Variants in ODAD2 observed in about 807,000 individuals in gnomAD.
ODAD2 encodes outer dynein arm docking complex subunit 2.
A neutral mutation model predicts 106.8 loss-of-function variants in ODAD2; 89 were observed. The observed-to-expected ratio is 0.83, with a 90% CI of 0.70 to 0.99. The LOEUF (loss-of-function observed/expected upper bound fraction) is 0.99. Ranked by LOEUF, ODAD2 falls within the 50% of genes least tolerant of loss-of-function variation. The pLI is 0.00. For missense variants in ODAD2, 1,168 were observed against 1,238.5 expected, an observed-to-expected ratio of 0.94 and a Z score of 0.85; for synonymous variants, 404 against 436.2, an observed-to-expected ratio of 0.93 and a Z score of 0.92.
intron 10 of ODAD2, among the ~76,000 whole-genome samples, chr10:27,954,428 T>TG (rs1285127708): frequency 6.6e-6 from 1 of 152,178 alleles, no homozygotes; most frequent in Non-Finnish European, 1.5e-5. Flanking sequence ...AATAACTAGA[T>TG]GGGTATGTGT....
chr10:27,953,268 C>A (rs1847494459), intron 10 of ODAD2, among the ~76,000 whole-genome samples: 1 of 152,158 alleles, frequency 6.6e-6, no homozygotes, highest in South Asian at 2.1e-4. Context: ...ACTTATTCAT[C>A]TTTCATAAAT....
chr10:27,832,594 A>G (rs1837570761), intron 19 of ODAD2, among the ~76,000 whole-genome samples: 1 of 152,100 alleles, frequency 6.6e-6, no homozygotes, highest in South Asian at 2.1e-4. Flanking sequence ...TGTCAAAAAC[A>G]TCCTGGAAAT....
At chr10:27,850,155 A>T (rs1839137482) in intron 19 of ODAD2, among the ~76,000 whole-genome samples, 1 of 152,202 alleles carries the variant, frequency 6.6e-6, no homozygotes. Flanking sequence ...GTTTAAAGTG[A>T]AAACATTTGC....
intron 17 of ODAD2, among the ~76,000 whole-genome samples, chr10:27,898,513 T>C (rs1303108818): frequency 6.6e-6 from 1 of 152,130 alleles, no homozygotes; most frequent in Non-Finnish European, 1.5e-5. Flanking sequence ...AAATATATAG[T>C]GATCTTTGTT....
intron 16 of ODAD2, among the ~76,000 whole-genome samples, chr10:27,934,122 C>T (rs1387306061): frequency 4.6e-5 from 7 of 152,126 alleles, no homozygotes; most frequent in Admixed American, 4.6e-4. Context: ...TCCCTGCCAC[C>T]ATGTAAGATG....
chr10:27,948,606 G>A (rs1409685703), intron 10 of ODAD2, among the ~76,000 whole-genome samples: 1 of 152,016 alleles, frequency 6.6e-6, no homozygotes, highest in Non-Finnish European at 1.5e-5. Context: ...TTGCATTTCT[G>A]AGGTTTTAGG....
At chr10:27,981,094 T>C (rs1008033601) in intron 7 of ODAD2, among the ~76,000 whole-genome samples, 3 of 152,150 alleles carry the variant, frequency 2.0e-5, no homozygotes, top group African/African-American at 7.2e-5. Flanking sequence ...ATTATATCAT[T>C]CCAGTGACAT....
At chr10:27,978,151 A>G (rs1849313713) in intron 7 of ODAD2, among the ~76,000 whole-genome samples, 1 of 152,218 alleles carries the variant, frequency 6.6e-6, no homozygotes, top group African/African-American at 2.4e-5. Flanking sequence ...TGGCATATCC[A>G]TACAATGGAA....
chr10:27,818,248 A>G (rs1384901753), intron 19 of ODAD2, among the ~76,000 whole-genome samples: 1 of 152,010 alleles, frequency 6.6e-6, no homozygotes, highest in Non-Finnish European at 1.5e-5. Context: ...TTCTTGGTAA[A>G]TTATATAATC....
At chr10:27,891,774 C>A (rs11595783) in intron 17 of ODAD2, among the ~76,000 whole-genome samples, 100,980 of 151,942 alleles carry the variant, frequency 0.66, 33,855 homozygotes, top group Middle Eastern at 0.74. Flanking sequence ...TAAAAATGCA[C>A]TGATATTTAA....
At chr10:27,896,043 C>T (rs1454295609) in intron 17 of ODAD2, among the ~76,000 whole-genome samples, 1 of 152,202 alleles carries the variant, frequency 6.6e-6, no homozygotes, top group Non-Finnish European at 1.5e-5. Flanking sequence ...TTCAAGCGTT[C>T]ACTAGACAAG....
At chr10:27,981,380 C>CA in intron 7 of ODAD2, 86 bp downstream of exon 7, 1 of 1,318,450 alleles carries the variant, frequency 7.6e-7, no homozygotes, top group South Asian at 2.1e-5. Context: ...CAAAAATAGG[C>CA]AAAATTACTG....
intron 1 of ODAD2, among the ~76,000 whole-genome samples, 156 bp downstream of exon 1, chr10:27,998,838 T>G (rs1850715645): frequency 6.6e-6 from 1 of 152,046 alleles, no homozygotes; most frequent in African/African-American, 2.4e-5. Context: ...GGCGCCCGCC[T>G]GTTGCTAGGA....
Position 27,944,429 on chromosome 10 carries a change from A to T in ODAD2, c.1536T>A (p.Ile512=), listed in dbSNP as rs1010587424. Residue 512 remains isoleucine, a splice_region_variant and synonymous_variant, in exon 12 of 20, where the codon ATT becomes ATA. Transcript: ENST00000305242. ...LLETDEVKCK[I]GSLKILKEIS... ...TTTCCTTCAGTATTTTTAATGAACC[A>T]ATCTGTGTGAGAAAAAAAAAGATGA... 1 of 1,612,390 alleles carries T rather than the reference A, an allele frequency of 6.2e-7. No individual in the cohort carries two copies. The highest frequency in any genetic ancestry group is 8.5e-7 in the Non-Finnish European group (1 of 1,178,550).
intron 17 of ODAD2, among the ~76,000 whole-genome samples, chr10:27,893,655 C>T (rs1589947067): frequency 1.3e-5 from 2 of 152,142 alleles, no homozygotes; most frequent in Admixed American, 6.5e-5. Context: ...GAAATGCTTC[C>T]GTACAAAATA....
At chr10:27,936,559 ATTCTT>A (rs1262241001) in intron 15 of ODAD2, among the ~76,000 whole-genome samples, 162 bp downstream of exon 15, 1 of 152,188 alleles carries the variant, frequency 6.6e-6, no homozygotes, top group Non-Finnish European at 1.5e-5. Flanking sequence ...GGCAATTTCT[ATTCTT>A]TTCTTTTCTA....
chr10:27,815,126 T>A (rs1241490111), intron 19 of ODAD2, among the ~76,000 whole-genome samples: 1 of 152,160 alleles, frequency 6.6e-6, no homozygotes, highest in East Asian at 1.9e-4. Context: ...CATGCCAGCG[T>A]CTTAGCAGAT....
rs572132398 is a variant in ODAD2, at chr10:27,940,020, A to C, written c.1987-13T>G. On this transcript the variant is annotated splice_polypyrimidine_tract_variant and intron_variant, in intron 13 of 19. Coordinates refer to ENST00000305242, the MANE Select transcript of ODAD2 (RefSeq NM_018076.5). ...CCCGGTAGTTTTCCTAGGAATAAAA[A>C]CCTACATATTTATGTGTTCAAGACG... 6.4e-7 allele frequency: 1 copy of C among 1,571,608 alleles called. No homozygotes were observed. Among genetic ancestry groups the C allele is most frequent in the African/African-American group, 1.4e-5 (1 of 73,480 alleles).
intron 10 of ODAD2, among the ~76,000 whole-genome samples, chr10:27,952,368 C>A (rs1257304038): frequency 6.6e-6 from 1 of 151,770 alleles, no homozygotes; most frequent in South Asian, 2.1e-4. Flanking sequence ...GGATTCCAAT[C>A]CTATATTGAC....
Sources: allele counts gnomAD v4.1 joint callset (sites outside exome capture counted in the v4.1 genomes callset), GRCh38; gene constraint gnomAD v4.1.1; transcripts MANE v1.5; gene names NCBI Gene and HGNC (gene_info 2026-07-23, HGNC 2026-07-21).